CFD: variants seen among roughly 807,000 people sequenced by gnomAD.
The protein encoded by CFD is C3 convertase activator.
Under a neutral mutation model 21.1 loss-of-function variants are expected in CFD, and 24 were observed. The ratio of observed to expected loss-of-function variants is 1.14; its 90% CI spans 0.82 to 1.60. The LOEUF is 1.60. CFD is among the 40% of genes most tolerant of loss of function. CFD has a pLI of 0.00. For missense variants in CFD, 535 were observed against 383.3 expected, an observed-to-expected ratio of 1.40 and a Z score of -3.31; for synonymous variants, 242 against 175.9, an observed-to-expected ratio of 1.38 and a Z score of -2.97.
In CFD at chr19:863,171, G is replaced by T. The variant is rs764710522; in HGVS notation, c.695G>T (p.Arg232Leu). The change falls in exon 5 of 5, where the codon CGC becomes CTC. Residue 232 changes from arginine to leucine, a missense_variant. Arg to Leu is a moderately radical substitution (Grantham distance 102, BLOSUM62 -2). Transcript: ENST00000327726. Reference protein sequence around the residue: ...VTSGSRVCGNRKKPGIYTRVA... With the variant: ...VTSGSRVCGNLKKPGIYTRVA... ...TCGGGCTCGCGCGTTTGCGGCAACC[G>T]CAAGAAGCCCGGGATCTACACCCGC... The T allele has an allele frequency of 6.8e-7, 1 of 1,479,986 alleles. No individual in the cohort carries two copies. Among genetic ancestry groups the T allele is most frequent in the Non-Finnish European group, 8.9e-7 (1 of 1,119,500 alleles). The allele number at this position is 1,479,986 out of a possible 1,614,324, so 91.7% of individuals were successfully genotyped here.
Position 861,768 on chromosome 19 carries a change from G to T in CFD, c.427G>T (p.Ala143Ser). 6.2e-7 allele frequency: 1 copy of T among 1,605,954 alleles called. No homozygotes were observed. The change falls in exon 4 of 5, where the codon GCA becomes TCA. Residue 143 changes from alanine (A) to serine (S), a missense_variant. Transcript: ENST00000327726. ...LPWQRVDRDV[A>S]PGTLCDVAGW... ...CTGGCAGCGCGTGGACCGCGACGTG[G>T]CACCGGGAACTCTCTGCGACGTGGC...
chr19:860,567 C>G, intron 1 of CFD, 50 bp from the exon 2 acceptor site: 1 of 1,371,520 alleles, frequency 7.3e-7, no homozygotes, highest in Non-Finnish European at 9.4e-7. Flanking sequence ...GGCAGCCTCG[C>G]CCGGGGGAGG....
chr19:861,087 C>T (rs986212762), intron 3 of CFD, 82 bp downstream of exon 3: 5 of 1,443,228 alleles, frequency 3.5e-6, no homozygotes, highest in East Asian at 2.4e-5. Context: ...CACCGCGCCC[C>T]GGGTCCAGCC....
intron 1 of CFD, among the ~76,000 whole-genome samples, chr19:860,086 C>T (rs573107270): frequency 3.9e-5 from 6 of 152,228 alleles, no homozygotes; most frequent in African/African-American, 1.4e-4. Context: ...GATCTGCCCC[C>T]GGTCCCCAGC....
At chr19:860,227 G>T (rs2035765543) in intron 1 of CFD, among the ~76,000 whole-genome samples, 1 of 151,420 alleles carries the variant, frequency 6.6e-6, no homozygotes, top group South Asian at 2.1e-4. Context: ...GTCTCGCTCT[G>T]TCGTCCAGGC....
chr19:862,080 C>A, intron 4 of CFD, 124 bp downstream of exon 4: 2 of 477,122 alleles, frequency 4.2e-6, no homozygotes, highest in African/African-American at 4.5e-5. Flanking sequence ...GCGTAGGGGG[C>A]GGGAACTGGA....
intron 4 of CFD, among the ~76,000 whole-genome samples, chr19:862,216 GA>G: frequency 7.8e-6 from 1 of 127,806 alleles, no homozygotes; most frequent in Non-Finnish European, 1.7e-5. Flanking sequence ...GGGTGGGGCT[GA>G]AGAAGGGTCA....
At chr19:859,901 A>G in intron 1 of CFD, 157 bp downstream of exon 1, 1 of 610,984 alleles carries the variant, frequency 1.6e-6, no homozygotes, top group East Asian at 2.8e-5. Context: ...ATTCTAGAAA[A>G]TTCAGATTGG....
At chr19:862,521 C>A (rs190453978) in intron 4 of CFD, among the ~76,000 whole-genome samples, 1 of 8,706 alleles carries the variant, frequency 1.1e-4, no homozygotes, top group Admixed American at 1.5e-3. Context: ...GGGGACGGGG[C>A]GGGGCAGGTG....
In CFD at chr19:863,073, C is replaced by T. The variant is rs765922043; in HGVS notation, c.616-19C>T. 165 of 1,513,048 alleles carry T rather than the reference C, an allele frequency of 1.1e-4. No individual in the cohort carries two copies. Among genetic ancestry groups the T allele is most frequent in the Non-Finnish European group, 1.4e-4 (156 of 1,130,784 alleles). 93.7% of individuals were successfully genotyped at this position (1,513,048 alleles called of 1,614,324 possible). ...GGTGGGCGCGGGCCGCCCCTCACGG[C>T]CCCGTCCTGTTCCGGCAGGGTGACT... is the stretch of plus-strand genomic sequence containing the variant. On this transcript the variant is annotated intron_variant, in intron 4 of 4. Coordinates refer to ENST00000327726, the MANE Select transcript of CFD (RefSeq NM_001928.4).
chr19:860,722 T>A lies in CFD; in HGVS notation c.161T>A (p.Val54Asp), dbSNP rs2035776272. Residue 54 changes from valine (V) to aspartate (D), a missense_variant, in exon 2 of 5, where the codon GTC (valine) becomes GAC (aspartate). Val to Asp is a radical substitution (Grantham distance 152, BLOSUM62 -3). Coordinates refer to ENST00000327726, the MANE Select transcript of CFD (RefSeq NM_001928.4). ...AACGGCGCGCACCTGTGCGGCGGCG[T>A]CCTGGTGGCGGAGCAGTGGGTGCTG... Reference protein sequence around the residue: ...QLNGAHLCGGVLVAEQWVLSA... With the variant: ...QLNGAHLCGGDLVAEQWVLSA... 1 of 1,564,312 alleles carries A rather than the reference T, an allele frequency of 6.4e-7. No homozygotes were observed. Among genetic ancestry groups the A allele is most frequent in the Admixed American group, 1.8e-5 (1 of 55,344 alleles).
At chr19:860,489 A>T in intron 1 of CFD, 128 bp from the exon 2 acceptor site, 1 of 629,622 alleles carries the variant, frequency 1.6e-6, no homozygotes, top group Non-Finnish European at 2.1e-6. Context: ...TACAGGCGTG[A>T]GCCACCGCGC....
chr19:862,098 C>A (rs528253689), intron 4 of CFD, 142 bp downstream of exon 4: 9 of 806,046 alleles, frequency 1.1e-5, no homozygotes, highest in Admixed American at 1.0e-4. Context: ...GGAAGATGGG[C>A]GGAGCATGAG....
chr19:861,833 C>A lies in CFD; in HGVS notation c.492C>A (p.Asp164Glu), dbSNP rs1382144886. 1.9e-6 allele frequency: 3 copies of A among 1,600,808 alleles called. No homozygotes were observed. The highest frequency in any genetic ancestry group is 2.5e-6 in the Non-Finnish European group (3 of 1,178,728). The stretch of plus-strand genomic sequence containing the variant: ...TCAACCACGCGGGCCGCCGCCCGGA[C>A]AGCCTGCAGCACGTGCTCTTGCCAG... ...GIVNHAGRRPDSLQHVLLPVL... is the reference protein window; with the variant it reads ...GIVNHAGRRPESLQHVLLPVL... Residue 164 changes from aspartate to glutamate, a missense_variant, in exon 4 of 5, where the codon GAC becomes GAA. Physicochemically the swap from Asp to Glu is conservative, Grantham distance 45 (BLOSUM62 2). Transcript: ENST00000327726.
chr19:860,816 G>A, intron 2 of CFD, 43 bp downstream of exon 2: 1 of 1,555,916 alleles, frequency 6.4e-7, no homozygotes, highest in South Asian at 1.2e-5. Flanking sequence ...GGGTGCGGTG[G>A]GGGGAGTCGG....
chr19:863,057 G>C (rs1007314716), intron 4 of CFD, 35 bp from the exon 5 acceptor site: 2 of 1,486,284 alleles, frequency 1.3e-6, no homozygotes, highest in Admixed American at 4.3e-5. Flanking sequence ...GGGTGGGCGC[G>C]GGCCGCCCCT....
rs112469647 is a variant in CFD at position 860,905 on chromosome 19, C to T, written c.257C>T (p.Ser86Leu). 16 of 1,592,780 alleles carry T rather than the reference C, an allele frequency of 1.0e-5. No individual in the cohort carries two copies. The highest frequency in any genetic ancestry group is 9.4e-5 in the African/African-American group (7 of 74,672). The part of the protein sequence containing the change: ...VQVLLGAHSL[S>L]QPEPSKRLYD... ...GTTCTCCTGGGCGCGCACTCCCTGT[C>T]GCAGCCGGAGCCCTCCAAGCGCCTG... Residue 86 changes from serine (S) to leucine (L), a missense_variant, in exon 3 of 5, where the codon TCG becomes TTG. By Grantham distance (145) the Ser-to-Leu change is moderately radical. Coordinates refer to ENST00000327726, the MANE Select transcript of CFD (RefSeq NM_001928.4).
Position 863,249 on chromosome 19 carries a change from C to A in CFD, c.*11C>A. On this transcript the variant is annotated 3_prime_UTR_variant, in exon 5 of 5. Coordinates refer to ENST00000327726, the MANE Select transcript of CFD (RefSeq NM_001928.4). ...AGCGTCCTGGCCTAGGGTGCCGGGGCCTGAAGGTCAGGGTCACCCAAGCAA... is the reference window on the plus strand; with the variant it reads ...AGCGTCCTGGCCTAGGGTGCCGGGGACTGAAGGTCAGGGTCACCCAAGCAA... The A allele has an allele frequency of 1.3e-6, 2 of 1,547,376 alleles. No individual in the cohort carries two copies. Among genetic ancestry groups the A allele is most frequent in the East Asian group, 2.3e-5 (1 of 42,588 alleles).
Position 860,982 on chromosome 19 carries a change from G to T in CFD, c.334G>T (p.Asp112Tyr). The T allele has an allele frequency of 2.5e-6, 4 of 1,598,976 alleles. No individual in the cohort carries two copies. The highest frequency in any genetic ancestry group is 3.4e-6 in the Non-Finnish European group (4 of 1,179,430). Reference protein sequence around the residue: ...PHPDSQPDTIDHDLLLLQLSE... With the variant: ...PHPDSQPDTIYHDLLLLQLSE... ...CCCGGACAGCCAGCCCGACACCATC[G>T]ACCACGACCTCCTGCTGCTACAGGT... The change falls in exon 3 of 5, where the codon GAC becomes TAC. Residue 112 changes from aspartate (D) to tyrosine (Y), a missense_variant. Asp to Tyr is a radical substitution (Grantham distance 160, BLOSUM62 -3). Coordinates refer to ENST00000327726, the MANE Select transcript of CFD (RefSeq NM_001928.4).
Sources: allele counts gnomAD v4.1 joint callset (sites outside exome capture counted in the v4.1 genomes callset), GRCh38; gene constraint gnomAD v4.1.1; transcripts MANE v1.5; gene names NCBI Gene and HGNC (gene_info 2026-07-23, HGNC 2026-07-21).